MACROD2: variants seen among roughly 807,000 people sequenced by gnomAD.
The protein encoded by MACROD2 is ADP-ribose glycohydrolase MACROD2.
A neutral mutation model predicts 70.4 loss-of-function variants in MACROD2; 36 were observed. The observed-to-expected ratio is 0.51, with a 90% CI of 0.39 to 0.68. The LOEUF is 0.68. MACROD2 is among the 30% of genes least tolerant of loss of function. The probability of loss-of-function intolerance (pLI) is 0.00; values close to 1 mark genes in which losing one functional copy is unlikely to be tolerated. For synonymous variants in MACROD2, 172 were observed against 178.8 expected (o/e 0.96, Z 0.30); for missense variants, 496 against 538.4 (o/e 0.92, Z 0.78).
In MACROD2 at chr20:14,140,772, C is replaced by A. The variant is rs375325268; in HGVS notation, c.271+55044C>A. The stretch of plus-strand genomic sequence containing the variant: ...CCTGGGCATACTAAGGGAAAATGCA[C>A]CTGCCAGAGACCTCTTTATTTTCGA... On this transcript the variant is annotated intron_variant, in intron 3 of 17. Coordinates refer to ENST00000684519, the MANE Select transcript of MACROD2 (RefSeq NM_001351661.2). 3.2e-4 allele frequency among the ~76,000 whole-genome samples: 49 copies of A among 152,220 alleles called. No homozygotes were observed. In the South Asian group the frequency reaches 6.0e-3, roughly 19 times the overall value.
intron 8 of MACROD2, among the ~76,000 whole-genome samples, chr20:15,722,478 G>C (rs1454343534): frequency 6.6e-6 from 1 of 152,118 alleles, no homozygotes; most frequent in Non-Finnish European, 1.5e-5. Context: ...TACTGAGTTT[G>C]AGCATATTTC....
chr20:14,812,867 A>G (rs867458564), intron 5 of MACROD2, among the ~76,000 whole-genome samples: 4 of 151,978 alleles, frequency 2.6e-5, no homozygotes, highest in Non-Finnish European at 4.4e-5. Flanking sequence ...GCTCAGTCCC[A>G]CAAGACTGCC....
chr20:14,738,282 A>G (rs2071691957), intron 5 of MACROD2, among the ~76,000 whole-genome samples: 1 of 152,066 alleles, frequency 6.6e-6, no homozygotes, highest in African/African-American at 2.4e-5. Flanking sequence ...TAAAGTCTGA[A>G]TAAAGAGTAT....
intron 4 of MACROD2, among the ~76,000 whole-genome samples, chr20:14,505,370 T>C (rs549709157): frequency 1.1e-4 from 17 of 152,338 alleles, no homozygotes; most frequent in African/African-American, 4.1e-4. Flanking sequence ...CTGTCTAGTG[T>C]TTCTTTGCAT....
intron 4 of MACROD2, among the ~76,000 whole-genome samples, chr20:14,667,722 T>C (rs548347655): frequency 5.3e-5 from 8 of 152,190 alleles, no homozygotes; most frequent in Non-Finnish European, 1.2e-4. Context: ...TTATCCTCTC[T>C]GAAATCTCTT....
At chr20:15,158,952 A>C (rs978403252) in intron 5 of MACROD2, among the ~76,000 whole-genome samples, 1 of 152,012 alleles carries the variant, frequency 6.6e-6, no homozygotes, top group Admixed American at 6.6e-5. Flanking sequence ...TTTAATCTCC[A>C]TTTCTTGCCA....
At chr20:14,511,822 T>A (rs2085034106) in intron 4 of MACROD2, among the ~76,000 whole-genome samples, 1 of 152,078 alleles carries the variant, frequency 6.6e-6, no homozygotes, top group Admixed American at 6.6e-5. Flanking sequence ...TAGGACACAA[T>A]AACAATTATG....
At chr20:14,387,677 G>T (rs74604422) in intron 3 of MACROD2, among the ~76,000 whole-genome samples, 1 of 152,334 alleles carries the variant, frequency 6.6e-6, no homozygotes, top group East Asian at 1.9e-4. Flanking sequence ...GCCATACCAA[G>T]TACATGGTCT....
chr20:14,226,753 G>T (rs1464977436), intron 3 of MACROD2, among the ~76,000 whole-genome samples: 1 of 152,252 alleles, frequency 6.6e-6, no homozygotes, highest in East Asian at 1.9e-4. Context: ...GCGGGGCAGG[G>T]CTCGGGACCT....
At chr20:14,861,989 A>ATT (rs1367749467) in intron 5 of MACROD2, among the ~76,000 whole-genome samples, 4 of 60,292 alleles carry the variant, frequency 6.6e-5, no homozygotes, top group Non-Finnish European at 8.9e-5. Context: ...ATATATATAT[A>ATT]TATTTATATA....
chr20:15,374,383 A>C (rs1280415815), intron 6 of MACROD2, among the ~76,000 whole-genome samples: 9 of 152,008 alleles, frequency 5.9e-5, no homozygotes, highest in Non-Finnish European at 1.3e-4. Flanking sequence ...ATAATCACTT[A>C]TATGTGTGTA....
chr20:15,487,123 A>G (rs1490932491), intron 7 of MACROD2, among the ~76,000 whole-genome samples: 2 of 152,222 alleles, frequency 1.3e-5, no homozygotes, highest in African/African-American at 4.8e-5. Context: ...ACCACTGACT[A>G]AAGCAAGTCA....
Position 15,875,063 on chromosome 20 carries a change from C to A in MACROD2, c.728-10701C>A, listed in dbSNP as rs563421047. Among the ~76,000 whole-genome samples the A allele has an allele frequency of 6.6e-5, 10 of 152,254 alleles. No homozygotes were observed. In the East Asian group the frequency reaches 1.9e-3, roughly 29 times the overall value. ...GCCTTGAGCTAAGGAACATGGGCAT[C>A]TCTAGAAGCTGGAAAAGCGAGGAAA... On this transcript the variant is annotated intron_variant, in intron 9 of 17. Transcript: ENST00000684519.
intron 4 of MACROD2, among the ~76,000 whole-genome samples, chr20:14,538,144 G>T (rs1012447294): frequency 6.6e-6 from 1 of 152,164 alleles, no homozygotes; most frequent in Non-Finnish European, 1.5e-5. Context: ...AACATGAAAA[G>T]AAACTGAGGT....
Position 14,075,861 on chromosome 20 carries a change from T to A in MACROD2, c.164-9760T>A, listed in dbSNP as rs118122481. On this transcript the variant is annotated intron_variant, in intron 2 of 17. Transcript: ENST00000684519. The stretch of plus-strand genomic sequence containing the variant: ...CTAATTGGAAACACTGAATATTTTA[T>A]CCAGTCAGATGGGCTTTGGAGACAT... Among the ~76,000 whole-genome samples, 674 of 152,320 alleles carry A rather than the reference T, an allele frequency of 4.4e-3. 9 individuals carry two copies. Among genetic ancestry groups the A allele is most frequent in the Non-Finnish European group, 3.9e-3 (264 of 68,032 alleles).
chr20:14,084,677 C>T (rs1035118164), intron 2 of MACROD2, among the ~76,000 whole-genome samples: 1 of 151,954 alleles, frequency 6.6e-6, no homozygotes, highest in Non-Finnish European at 1.5e-5. Flanking sequence ...TTAGATATAC[C>T]TGCTTGCTGG....
chr20:14,804,977 T>A (rs2072621905), intron 5 of MACROD2, among the ~76,000 whole-genome samples: 1 of 151,876 alleles, frequency 6.6e-6, no homozygotes, highest in Non-Finnish European at 1.5e-5. Flanking sequence ...AATGAGTTTC[T>A]ACACAGAAAA....
intron 8 of MACROD2, among the ~76,000 whole-genome samples, chr20:15,588,839 G>T (rs937812598): frequency 1.3e-5 from 2 of 152,130 alleles, no homozygotes; most frequent in African/African-American, 4.8e-5. Context: ...TCTCTAGGAG[G>T]TTCCAAACTT....
intron 5 of MACROD2, among the ~76,000 whole-genome samples, chr20:14,725,831 T>G (rs924202276): frequency 1.4e-4 from 21 of 152,186 alleles, no homozygotes; most frequent in African/African-American, 4.3e-4. Context: ...GTGAGTGAAC[T>G]CCTCAGCACT....
Sources: allele counts gnomAD v4.1 joint callset (sites outside exome capture counted in the v4.1 genomes callset), GRCh38; gene constraint gnomAD v4.1.1; transcripts MANE v1.5; gene names NCBI Gene and HGNC (gene_info 2026-07-23, HGNC 2026-07-21).